LMBR1: variants seen among roughly 807,000 people sequenced by gnomAD.
The protein encoded by LMBR1 is limb development membrane protein 1.
Under a neutral mutation model 73.9 loss-of-function variants are expected in LMBR1, and 52 were observed. The observed-to-expected ratio is 0.70, with a 90% CI of 0.56 to 0.89. The LOEUF (loss-of-function observed/expected upper bound fraction) is 0.89. Among genes scored for constraint, LMBR1 ranks in the 40% least tolerant of loss-of-function variants. The probability of loss-of-function intolerance (pLI) is 0.00; values close to 1 mark genes in which losing one functional copy is unlikely to be tolerated. For missense variants in LMBR1, 539 were observed against 579.8 expected (o/e 0.93, Z 0.72); for synonymous variants, 215 against 209.4 (o/e 1.03, Z -0.23).
chr7:156,732,517 T>G (rs1817040299), intron 10 of LMBR1, among the ~76,000 whole-genome samples: 1 of 152,082 alleles, frequency 6.6e-6, no homozygotes, highest in Non-Finnish European at 1.5e-5. Context: ...AAAGAATTCA[T>G]AAAAAATTCT....
At chr7:156,771,366 A>G (rs948512127) in intron 5 of LMBR1, among the ~76,000 whole-genome samples, 3 of 152,200 alleles carry the variant, frequency 2.0e-5, no homozygotes, top group Non-Finnish European at 2.9e-5. Flanking sequence ...GATCCAAATA[A>G]TCACAATCAG....
In LMBR1 at chr7:156,852,839, G is replaced by A. The variant is rs540474621; in HGVS notation, c.67-15954C>T. On this transcript the variant is annotated intron_variant, in intron 1 of 16. Coordinates refer to ENST00000353442, the MANE Select transcript of LMBR1 (RefSeq NM_022458.4). ...TGTCCAGAATGTCAACAGTGCCAACGTTGAGAAACTCTGTTTTAGATTAAC... is the reference window on the plus strand; with the variant it reads ...TGTCCAGAATGTCAACAGTGCCAACATTGAGAAACTCTGTTTTAGATTAAC... Among the ~76,000 whole-genome samples, 111 of 152,192 alleles carry A rather than the reference G, an allele frequency of 7.3e-4. 1 individual carries two copies. The highest frequency in any genetic ancestry group is 1.1e-3 in the Admixed American group (17 of 15,284).
chr7:156,883,051 G>A (rs1187038619), intron 1 of LMBR1, among the ~76,000 whole-genome samples: 1 of 151,252 alleles, frequency 6.6e-6, no homozygotes, highest in African/African-American at 2.4e-5. Flanking sequence ...AAAATTTTTT[G>A]TTAAGAGGGT....
chr7:156,862,723 T>C (rs1343012012), intron 1 of LMBR1, among the ~76,000 whole-genome samples: 1 of 152,144 alleles, frequency 6.6e-6, no homozygotes, highest in Non-Finnish European at 1.5e-5. Flanking sequence ...CACAAAGAAC[T>C]CTCCCTACAT....
chr7:156,833,240 T>A (rs926628549), intron 3 of LMBR1, among the ~76,000 whole-genome samples: 1 of 152,210 alleles, frequency 6.6e-6, no homozygotes, highest in Non-Finnish European at 1.5e-5. Flanking sequence ...CAATTTCACA[T>A]TTAAACAAGC....
chr7:156,892,764 GGGAGGGGAGA>G (rs1803355797), intron 1 of LMBR1, among the ~76,000 whole-genome samples, 154 bp downstream of exon 1: 1 of 133,684 alleles, frequency 7.5e-6, no homozygotes, highest in Non-Finnish European at 1.7e-5. Context: ...GGAAGGGGAG[GGGAGGGGAGA>G]GGAGGGGTGG....
chr7:156,878,054 A>G (rs1487623242), intron 1 of LMBR1, among the ~76,000 whole-genome samples: 2 of 152,184 alleles, frequency 1.3e-5, no homozygotes, highest in Non-Finnish European at 2.9e-5. Context: ...GACATATCTC[A>G]ATGTAATAAA....
intron 9 of LMBR1, among the ~76,000 whole-genome samples, chr7:156,740,789 T>C (rs1157292825): frequency 6.6e-6 from 1 of 152,114 alleles, no homozygotes; most frequent in Non-Finnish European, 1.5e-5. Flanking sequence ...TAATGAGCCA[T>C]AAGAAATCAC....
At chr7:156,702,219 G>A (rs1353989896) in intron 15 of LMBR1, among the ~76,000 whole-genome samples, 5 of 152,160 alleles carry the variant, frequency 3.3e-5, no homozygotes, top group African/African-American at 1.2e-4. Flanking sequence ...CACAATGGCT[G>A]AACTAACTTA....
At chr7:156,671,957 G>A (rs1364574594) in intron 4 of LMBR1, among the ~76,000 whole-genome samples, 1 of 152,088 alleles carries the variant, frequency 6.6e-6, no homozygotes, top group Admixed American at 6.5e-5. Flanking sequence ...AATAGCAAAA[G>A]TACATATCAA....
chr7:156,814,538 A>T (rs1833605719), intron 4 of LMBR1, among the ~76,000 whole-genome samples: 1 of 152,252 alleles, frequency 6.6e-6, no homozygotes, highest in African/African-American at 2.4e-5. Flanking sequence ...TAATTTCAGT[A>T]AAATATTGAA....
rs1804548380 is a variant in LMBR1, at chr7:156,678,963, G to A, written c.*5115C>T. ...AAGAATAAAGGTTATAATCTAGAAT[G>A]AGGATACCTGTCATGAATCTTTATC... On this transcript the variant is annotated 3_prime_UTR_variant, in exon 17 of 17. Coordinates refer to ENST00000353442, the MANE Select transcript of LMBR1 (RefSeq NM_022458.4). 1 of 152,172 alleles carries A rather than the reference G, an allele frequency of 6.6e-6. No individual in the cohort carries two copies. Among genetic ancestry groups the A allele is most frequent in the African/African-American group, 2.4e-5 (1 of 41,444 alleles). The allele number at this position is 152,172 out of a possible 1,614,324, so 9.4% of individuals were successfully genotyped here.
At chr7:156,743,789 AG>A (rs1819341182) in intron 9 of LMBR1, among the ~76,000 whole-genome samples, 1 of 152,212 alleles carries the variant, frequency 6.6e-6, no homozygotes, top group African/African-American at 2.4e-5. Context: ...AGCATCACAC[AG>A]TCCTAGCCCT....
At chr7:156,671,285 TTATG>T (rs1187592837) in intron 4 of LMBR1, among the ~76,000 whole-genome samples, 19 of 152,284 alleles carry the variant, frequency 1.2e-4, no homozygotes, top group Non-Finnish European at 1.9e-4. Context: ...ACCAATCAGA[TTATG>T]TATGTGTTAC....
At chr7:156,892,764 G>GGGAGGGGAGA (rs1803355797) in intron 1 of LMBR1, among the ~76,000 whole-genome samples, 164 bp downstream of exon 1, 1 of 133,684 alleles carries the variant, frequency 7.5e-6, no homozygotes, top group Non-Finnish European at 1.7e-5. Context: ...GGAAGGGGAG[G>GGGAGGGGAGA]GGAGGGGAGA....
chr7:156,799,354 T>C (rs937288734), intron 4 of LMBR1, among the ~76,000 whole-genome samples: 1 of 152,230 alleles, frequency 6.6e-6, no homozygotes, highest in African/African-American at 2.4e-5. Context: ...CGTGCTCACT[T>C]CATTTCTCCA....
chr7:156,684,703 T>A (rs1805643799), intron 16 of LMBR1, among the ~76,000 whole-genome samples: 1 of 152,174 alleles, frequency 6.6e-6, no homozygotes, highest in Non-Finnish European at 1.5e-5. Context: ...ACGCCTGTCA[T>A]CCCAGCACTT....
At chr7:156,703,488 G>T (rs577639202) in intron 15 of LMBR1, among the ~76,000 whole-genome samples, 1 of 152,180 alleles carries the variant, frequency 6.6e-6, no homozygotes, top group African/African-American at 2.4e-5. Flanking sequence ...GGACTGACTA[G>T]ATACCTGGGT....
In LMBR1 at chr7:156,728,169, G is replaced by A. The variant is rs570366293; in HGVS notation, c.916-162C>T. On this transcript the variant is annotated intron_variant, in intron 11 of 16. Transcript: ENST00000353442. ...AATCAGACTACAAACAAGAACTGAA[G>A]AAATTCTAAAAGATTCTGCAAGTTA... 6.8e-4 allele frequency among the ~76,000 whole-genome samples: 103 copies of A among 152,264 alleles called. 1 individual carries two copies. The highest frequency in any genetic ancestry group is 1.3e-3 in the Non-Finnish European group (87 of 68,014).
Sources: gnomAD v4.1 joint callset for allele counts (sites outside exome capture counted in the v4.1 genomes callset) on GRCh38, gnomAD v4.1.1 for gene constraint, MANE v1.5 for transcripts, NCBI Gene and HGNC (gene_info 2026-07-23, HGNC 2026-07-21) for gene names.